OSBPL3: variants seen among roughly 807,000 people sequenced by gnomAD.
OSBPL3 encodes oxysterol binding protein like 3.
Under a neutral mutation model 120.1 loss-of-function variants are expected in OSBPL3, and 65 were observed. That is an observed-to-expected ratio of 0.54 (90% CI 0.44 to 0.67). The LOEUF (loss-of-function observed/expected upper bound fraction) is 0.67. Among genes scored for constraint, OSBPL3 ranks in the 30% least tolerant of loss-of-function variants. The probability of loss-of-function intolerance (pLI) is 0.00; values close to 1 mark genes in which losing one functional copy is unlikely to be tolerated. For synonymous variants in OSBPL3, 416 were observed against 402.6 expected (o/e 1.03, Z -0.40); for missense variants, 1,004 against 1,082.1 (o/e 0.93, Z 1.01).
chr7:24,832,428 T>C (rs1562792085), intron 15 of OSBPL3, among the ~76,000 whole-genome samples: 1 of 146,824 alleles, frequency 6.8e-6, no homozygotes, highest in East Asian at 2.0e-4. Context: ...GAGAATCACT[T>C]GAATCTGGGA....
At chr7:24,866,297 AC>A in intron 5 of OSBPL3, 60 bp from the exon 6 acceptor site, 7 of 1,262,894 alleles carry the variant, frequency 5.5e-6, no homozygotes, top group Non-Finnish European at 4.6e-6. Context: ...AGGAACAATT[AC>A]TCATCAAATT....
intron 14 of OSBPL3, among the ~76,000 whole-genome samples, chr7:24,837,395 G>A (rs148088946): frequency 8.2e-4 from 124 of 152,114 alleles, no homozygotes; most frequent in Middle Eastern, 3.4e-3. Flanking sequence ...TTAGAGACAG[G>A]ATCTTGCTAT....
In OSBPL3 at chr7:24,892,601, GC is replaced by G. The variant is rs1805536823; in HGVS notation, c.-130del. 1 of 1,400,802 alleles carries G rather than the reference GC, an allele frequency of 7.1e-7. No individual in the cohort carries two copies. Among genetic ancestry groups the G allele is most frequent in the Non-Finnish European group, 9.4e-7 (1 of 1,069,378 alleles). 86.8% of individuals were successfully genotyped at this position (1,400,802 alleles called of 1,614,324 possible). ...AAGTATTTAAAAAACATTTTGGGTG[GC>G]CCAAAGGAAACCCTAAAACCTAAAA... On this transcript the variant is annotated 5_prime_UTR_variant, in exon 2 of 23. Transcript: ENST00000313367.
At chr7:24,920,106 T>C (rs773601501) in intron 1 of OSBPL3, among the ~76,000 whole-genome samples, 1 of 152,114 alleles carries the variant, frequency 6.6e-6, no homozygotes, top group Non-Finnish European at 1.5e-5. Context: ...ATGTTAAACA[T>C]GGAGTTACCA....
chr7:24,848,975 T>G, intron 12 of OSBPL3, 94 bp downstream of exon 12: 28 of 826,738 alleles, frequency 3.4e-5, no homozygotes, highest in Non-Finnish European at 4.5e-5. Context: ...ACAGCACCCA[T>G]GAGGGGAAGC....
chr7:24,882,427 A>T (rs1803837310), intron 2 of OSBPL3, among the ~76,000 whole-genome samples: 1 of 152,232 alleles, frequency 6.6e-6, no homozygotes, highest in Admixed American at 6.5e-5. Context: ...GCTGCAAAAT[A>T]CATGATTTCA....
chr7:24,894,756 G>A lies in OSBPL3; in HGVS notation c.-149-2135C>T, dbSNP rs1268700877. On this transcript the variant is annotated intron_variant, in intron 1 of 22. Coordinates refer to ENST00000313367, the MANE Select transcript of OSBPL3 (RefSeq NM_015550.4). The surrounding 1 kb of genome is among the most constrained non-coding windows in gnomAD (Gnocchi z 4.1). ...GTGTGCAATGTAAAGGGAGAGAAAC[G>A]TGGGCAATAAATGAAAGTTACAGGA... 1.3e-5 allele frequency among the ~76,000 whole-genome samples: 2 copies of A among 152,264 alleles called. No homozygotes were observed. Among genetic ancestry groups the A allele is most frequent in the African/African-American group, 2.4e-5 (1 of 41,550 alleles).
intron 1 of OSBPL3, among the ~76,000 whole-genome samples, chr7:24,969,116 G>A (rs779809809): frequency 3.3e-5 from 5 of 152,182 alleles, no homozygotes; most frequent in Non-Finnish European, 5.9e-5. Flanking sequence ...TTCCATCCAC[G>A]ATGTATGAAT....
chr7:24,892,728 G>A (rs1355449817), intron 1 of OSBPL3, 107 bp from the exon 2 acceptor site: 4 of 695,446 alleles, frequency 5.8e-6, no homozygotes, highest in Non-Finnish European at 5.9e-6. Context: ...ACAGACTCAC[G>A]ATGTTTAGCT....
In OSBPL3 at chr7:24,866,204, A is replaced by G. The variant is rs1383889685; in HGVS notation, c.415T>C (p.Ser139Pro). Residue 139 changes from serine to proline, a missense_variant, in exon 6 of 23, where the codon TCG (serine) becomes CCG (proline). Physicochemically the swap from Ser to Pro is moderately conservative, Grantham distance 74. Coordinates refer to ENST00000313367, the MANE Select transcript of OSBPL3 (RefSeq NM_015550.4). ...KSEEVFDEWV[S>P]KLRHHRMYRQ... ...TACATTCTGTGGTGGCGAAGTTTCG[A>G]TACCCACTCATCAAAGACTTCTTCT... The G allele has an allele frequency of 6.2e-7, 1 of 1,612,732 alleles. No individual in the cohort carries two copies. The highest frequency in any genetic ancestry group is 1.1e-5 in the South Asian group (1 of 91,056).
chr7:24,828,459 T>C (rs1795949389), intron 16 of OSBPL3, among the ~76,000 whole-genome samples: 1 of 151,768 alleles, frequency 6.6e-6, no homozygotes, highest in Admixed American at 6.6e-5. Flanking sequence ...AATACAAAAC[T>C]TAGCTGGGCA....
chr7:24,809,778 G>A (rs182177727), intron 20 of OSBPL3, 29 bp downstream of exon 20: 7 of 1,612,434 alleles, frequency 4.3e-6, no homozygotes, highest in Middle Eastern at 1.7e-4. Flanking sequence ...CCCACTCACA[G>A]CCTGGGGTCC....
At chr7:24,838,887 AAACCCACTGGTTCTTAG>A (rs1797341418) in intron 14 of OSBPL3, among the ~76,000 whole-genome samples, 1 of 148,116 alleles carries the variant, frequency 6.8e-6, no homozygotes, top group Admixed American at 6.9e-5. Context: ...CTTCTTCTTC[AAACCCACTGGTTCTTAG>A]ACCTTTCCAC....
In OSBPL3 at chr7:24,916,627, T is replaced by G. The variant is rs895254683; in HGVS notation, c.-149-24006A>C. Among the ~76,000 whole-genome samples the G allele has an allele frequency of 6.6e-6, 1 of 152,082 alleles. No homozygotes were observed. Among genetic ancestry groups the G allele is most frequent in the African/African-American group, 2.4e-5 (1 of 41,402 alleles). ...CAGTCTTCTTCATTCCCTGACCCTC[T>G]TCTCTGGCTGTGTCTCAACTGTTGG... is the stretch of plus-strand genomic sequence containing the variant. On this transcript the variant is annotated intron_variant, in intron 1 of 22. Transcript: ENST00000313367. The surrounding 1 kb of genome is among the most constrained non-coding windows in gnomAD (Gnocchi z 4.9).
At chr7:24,942,076 CA>C (rs1269124769) in intron 1 of OSBPL3, among the ~76,000 whole-genome samples, 1 of 151,874 alleles carries the variant, frequency 6.6e-6, no homozygotes, top group Non-Finnish European at 1.5e-5. Flanking sequence ...CCATCTGCTC[CA>C]AGTACTTTGG....
At chr7:24,903,952 G>A (rs1454276050) in intron 1 of OSBPL3, among the ~76,000 whole-genome samples, 4 of 148,252 alleles carry the variant, frequency 2.7e-5, no homozygotes, top group Admixed American at 6.8e-5. Context: ...GTGAGATCTC[G>A]GCTCACTGCA....
In OSBPL3 at chr7:24,844,365, A is replaced by AT. The variant is rs201463277; in HGVS notation, c.1267-1953dup. 4.2e-3 allele frequency among the ~76,000 whole-genome samples: 625 copies of AT among 150,032 alleles called. 26 individuals are homozygous for AT. In the East Asian group the frequency reaches 0.079, roughly 19 times the overall value. On this transcript the variant is annotated intron_variant, in intron 12 of 22. Transcript: ENST00000313367. ...GTAAACTTTGTTAAAATATTATGAG[A>AT]TTTTTTTTGTGATTTTTTTTTTTTC...
chr7:24,806,226 T>C lies in OSBPL3; in HGVS notation c.2444+550A>G, dbSNP rs1793021244. On this transcript the variant is annotated intron_variant, in intron 21 of 22. Transcript: ENST00000313367. This position sits in a 1 kb window ranked among gnomAD's most constrained non-coding sequence, Gnocchi z 5.2. ...CCCGCTTCGGCCTCCCAAAGTGTTG[T>C]TTGTTTTTAATAAAGCCAAATGTAA... Among the ~76,000 whole-genome samples the C allele has an allele frequency of 2.6e-5, 4 of 152,322 alleles. No individual in the cohort carries two copies. In the South Asian group the frequency reaches 8.3e-4, roughly 32 times the overall value.
At position 24,873,990 on chromosome 7, in the gene OSBPL3, G is replaced by A. The variant is rs1267947354; in HGVS notation, c.97-1921C>T. ...TACATGCGGTTTTATCATCCCTGCT[G>A]GACAGCAGGCTCCTTGAGGGTATAA... is the stretch of plus-strand genomic sequence containing the variant. On this transcript the variant is annotated intron_variant, in intron 2 of 22. Transcript: ENST00000313367. The surrounding 1 kb of genome is among the most constrained non-coding windows in gnomAD (Gnocchi z 4.1). Among the ~76,000 whole-genome samples, 1 of 152,120 alleles carries A rather than the reference G, an allele frequency of 6.6e-6. No individual in the cohort carries two copies. The highest frequency in any genetic ancestry group is 1.5e-5 in the Non-Finnish European group (1 of 68,026).
Sources: allele counts gnomAD v4.1 joint callset (sites outside exome capture counted in the v4.1 genomes callset), GRCh38; gene constraint gnomAD v4.1.1; non-coding constraint Gnocchi (gnomAD v3.1); transcripts MANE v1.5; gene names NCBI Gene and HGNC (gene_info 2026-07-23, HGNC 2026-07-21).